The following NRG3 variants were observed in gnomAD, a reference collection of about 807,000 sequenced individuals.
The protein encoded by NRG3 is neuregulin 3.
NRG3 carries 31 observed loss-of-function variants against 66.9 expected under a neutral mutation model. That is an observed-to-expected ratio of 0.46 (90% CI 0.35 to 0.63). NRG3 has a LOEUF of 0.63. Among genes scored for constraint, NRG3 ranks in the 20% least tolerant of loss-of-function variants. The pLI, the probability that NRG3 is intolerant of heterozygous loss-of-function variation, is 0.00. For missense variants in NRG3, 910 were observed against 878.9 expected, an observed-to-expected ratio of 1.04 and a Z score of -0.45; for synonymous variants, 393 against 359.4, an observed-to-expected ratio of 1.09 and a Z score of -1.06.
At chr10:82,810,578 C>T (rs1484603716) in intron 3 of NRG3, among the ~76,000 whole-genome samples, 4 of 151,916 alleles carry the variant, frequency 2.6e-5, no homozygotes, top group South Asian at 2.1e-4. Context: ...GCCTGGCCAA[C>T]GTGGTGAAAC....
At chr10:82,403,603 T>C (rs2087274856) in intron 2 of NRG3, among the ~76,000 whole-genome samples, 3 of 152,174 alleles carry the variant, frequency 2.0e-5, no homozygotes, top group African/African-American at 7.2e-5. Flanking sequence ...GCTTTTGATA[T>C]AAAATAAAGA....
intron 3 of NRG3, among the ~76,000 whole-genome samples, chr10:82,782,089 A>C (rs2060140176): frequency 6.6e-6 from 1 of 152,120 alleles, no homozygotes; most frequent in Non-Finnish European, 1.5e-5. Context: ...TGCTTGAAAC[A>C]CCCAACTCCA....
intron 1 of NRG3, among the ~76,000 whole-genome samples, chr10:81,995,802 T>C (rs1319738854): frequency 6.6e-6 from 1 of 152,218 alleles, no homozygotes; most frequent in Non-Finnish European, 1.5e-5. Context: ...CCTTGTACTT[T>C]CTGGTTCTTC....
At chr10:82,462,960 G>A (rs746844052) in intron 2 of NRG3, among the ~76,000 whole-genome samples, 1 of 152,148 alleles carries the variant, frequency 6.6e-6, no homozygotes, top group African/African-American at 2.4e-5. Flanking sequence ...TATAGGGCTG[G>A]TCTTGAACCC....
chr10:82,915,821 T>A (rs1349470580), intron 4 of NRG3, among the ~76,000 whole-genome samples: 3 of 152,216 alleles, frequency 2.0e-5, no homozygotes, highest in Non-Finnish European at 2.9e-5. Flanking sequence ...ATTTTTATTA[T>A]AAACATTGGG....
chr10:82,290,727 T>C (rs2079681527), intron 1 of NRG3, among the ~76,000 whole-genome samples: 1 of 151,874 alleles, frequency 6.6e-6, no homozygotes, highest in African/African-American at 2.4e-5. Context: ...CTCCGCCTCC[T>C]GGGTTCACAC....
At chr10:82,388,647 G>A (rs1418328952) in intron 2 of NRG3, among the ~76,000 whole-genome samples, 1 of 152,018 alleles carries the variant, frequency 6.6e-6, no homozygotes, top group Non-Finnish European at 1.5e-5. Flanking sequence ...TCATATCAGT[G>A]GTAAAAAAGG....
chr10:82,762,579 T>C (rs191014203), intron 3 of NRG3, among the ~76,000 whole-genome samples: 1 of 152,332 alleles, frequency 6.6e-6, no homozygotes, highest in East Asian at 1.9e-4. Flanking sequence ...GGAAATCAGT[T>C]CTTCCGTATA....
At chr10:82,209,431 G>A (rs967242028) in intron 1 of NRG3, among the ~76,000 whole-genome samples, 13 of 152,138 alleles carry the variant, frequency 8.5e-5, no homozygotes, top group Non-Finnish European at 1.8e-4. Flanking sequence ...GGAAACTGTA[G>A]AGTTAACAAC....
chr10:82,233,029 G>A, intron 1 of NRG3: 3 of 529,402 alleles, frequency 5.7e-6, no homozygotes, highest in Non-Finnish European at 6.8e-6. Context: ...TGTGGCTCTG[G>A]GTTGGTTAGT....
chr10:82,389,602 TA>T (rs2086221780), intron 2 of NRG3, among the ~76,000 whole-genome samples: 1 of 152,184 alleles, frequency 6.6e-6, no homozygotes, highest in Non-Finnish European at 1.5e-5. Flanking sequence ...TATATGGCAG[TA>T]GACAAACGAG....
In NRG3 at chr10:82,543,749, G is replaced by C. The variant is rs542571259; in HGVS notation, c.953+184881G>C. Among the ~76,000 whole-genome samples, 39 of 152,294 alleles carry C rather than the reference G, an allele frequency of 2.6e-4. No individual in the cohort carries two copies. In the South Asian group the frequency reaches 8.1e-3, roughly 32 times the overall value. On this transcript the variant is annotated intron_variant, in intron 2 of 8. Transcript: ENST00000372141. ...GGATGAGGCTCTGAGAATTTGAATG[G>C]ATTATTCAAGGATTCATTCGTTCAG...
At chr10:81,900,213 T>C (rs1409102099) in intron 1 of NRG3, among the ~76,000 whole-genome samples, 1 of 151,404 alleles carries the variant, frequency 6.6e-6, no homozygotes, top group Non-Finnish European at 1.5e-5. Context: ...CCTCCCAAAG[T>C]GTGGGATTAC....
At chr10:82,114,415 T>TA (rs972655038) in intron 1 of NRG3, among the ~76,000 whole-genome samples, 13 of 152,174 alleles carry the variant, frequency 8.5e-5, no homozygotes, top group Non-Finnish European at 1.6e-4. Flanking sequence ...CTGAACGTGC[T>TA]AAAAAATTCA....
At chr10:82,362,567 T>TTTTC (rs1273821084) in intron 2 of NRG3, among the ~76,000 whole-genome samples, 27 of 148,220 alleles carry the variant, frequency 1.8e-4, no homozygotes, top group African/African-American at 6.5e-4. Context: ...TTTTTTTTTT[T>TTTTC]TTCGTAGAAA....
chr10:82,173,840 C>T (rs1030095435), intron 1 of NRG3, among the ~76,000 whole-genome samples: 4 of 152,066 alleles, frequency 2.6e-5, no homozygotes, highest in Non-Finnish European at 4.4e-5. Flanking sequence ...CATGTAGCCA[C>T]GGCCTCCTGA....
chr10:81,945,656 G>T (rs1216048003), intron 1 of NRG3, among the ~76,000 whole-genome samples: 5 of 152,168 alleles, frequency 3.3e-5, no homozygotes, highest in Admixed American at 1.3e-4. Context: ...GGGTTGAATT[G>T]TGTCCTTTCA....
At chr10:82,031,045 A>G (rs1776599501) in intron 1 of NRG3, among the ~76,000 whole-genome samples, 2 of 152,196 alleles carry the variant, frequency 1.3e-5, no homozygotes, top group Non-Finnish European at 1.5e-5. Flanking sequence ...CCTGAAACAC[A>G]TGGATCTTCA....
chr10:82,244,924 G>A lies in NRG3; in HGVS notation c.824-113815G>A, dbSNP rs1252055377. ...AATTTTTTGTATTTTTGTAGAGACG[G>A]GGTTTCACCTTGTTGCCCAGGCTGG... On this transcript the variant is annotated intron_variant, in intron 1 of 8. Transcript: ENST00000372141. 4.7e-4 allele frequency among the ~76,000 whole-genome samples: 71 copies of A among 151,984 alleles called. 1 individual carries two copies. The highest frequency in any genetic ancestry group is 4.7e-3 in the Admixed American group (71 of 15,248).
Sources: allele counts gnomAD v4.1 joint callset (sites outside exome capture counted in the v4.1 genomes callset), GRCh38; gene constraint gnomAD v4.1.1; transcripts MANE v1.5; gene names NCBI Gene and HGNC (gene_info 2026-07-23, HGNC 2026-07-21).